SDHB: variants seen among roughly 807,000 people sequenced by gnomAD.
SDHB encodes the protein succinate dehydrogenase [ubiquinone] iron-sulfur subunit, mitochondrial.
SDHB carries 21 observed loss-of-function variants against 39.7 expected under a neutral mutation model. The observed-to-expected ratio is 0.53, with a 90% CI of 0.37 to 0.76. The LOEUF (loss-of-function observed/expected upper bound fraction) is 0.76, where lower values mean the gene tolerates loss of function less well. SDHB is among the 30% of genes least tolerant of loss of function. The pLI, the probability that SDHB is intolerant of heterozygous loss-of-function variation, is 0.00. For missense variants in SDHB, 343 were observed against 350.9 expected (o/e 0.98, Z 0.18); for synonymous variants, 118 against 117.0 (o/e 1.01, Z -0.06).
At chr1:17,022,772 G>A in intron 6 of SDHB, 42 bp from the exon 7 acceptor site, 1 of 1,598,302 alleles carries the variant, frequency 6.3e-7, no homozygotes, top group East Asian at 2.2e-5. Context: ...CAATCAACAG[G>A]CCAGAGCGGC....
At chr1:17,022,752 G>C (rs897839811) in intron 6 of SDHB, 22 bp from the exon 7 acceptor site, 1 of 1,610,216 alleles carries the variant, frequency 6.2e-7, no homozygotes, top group Non-Finnish European at 8.5e-7. Context: ...GGGATGATTA[G>C]CTGAGCTGCC....
chr1:17,021,730 C>G (rs539603054), intron 7 of SDHB, among the ~76,000 whole-genome samples: 1 of 151,552 alleles, frequency 6.6e-6, no homozygotes, highest in South Asian at 2.1e-4. Context: ...GCCTGGGCAA[C>G]AAGAGCGAAA....
Position 17,022,791 on chromosome 1 carries a change from T to C in SDHB, c.643-61A>G, listed in dbSNP as rs1570945030. 19 of 1,578,754 alleles carry C rather than the reference T, an allele frequency of 1.2e-5. No homozygotes were observed. The South Asian group carries it at 2.2e-4, about 18-fold the overall frequency. Reference sequence around the variant, plus strand: ...CAACAGGCCAGAGCGGCACCCTGGCTCAACTCAAAGCTCTGGGAGTGCAGA... The same window carrying C: ...CAACAGGCCAGAGCGGCACCCTGGCCCAACTCAAAGCTCTGGGAGTGCAGA... On this transcript the variant is annotated intron_variant, in intron 6 of 7. Coordinates refer to ENST00000375499, the MANE Select transcript of SDHB (RefSeq NM_003000.3).
In SDHB at chr1:17,045,574, G is replaced by A. The variant is rs551279888; in HGVS notation, c.73-686C>T. ...AGATCATGCCACTGCACTCTAGCCT[G>A]GGCAACAGAGTGAGACTCTTTTTCA... On this transcript the variant is annotated intron_variant, in intron 1 of 7. Coordinates refer to ENST00000375499, the MANE Select transcript of SDHB (RefSeq NM_003000.3). 2.5e-3 allele frequency among the ~76,000 whole-genome samples: 385 copies of A among 152,090 alleles called. 1 individual carries two copies. The highest frequency in any genetic ancestry group is 9.0e-3 in the African/African-American group (372 of 41,468).
intron 3 of SDHB, among the ~76,000 whole-genome samples, chr1:17,032,253 C>G (rs975705898): frequency 2.0e-5 from 3 of 150,318 alleles, no homozygotes; most frequent in Non-Finnish European, 3.0e-5. Context: ...GGCTGGAGTG[C>G]AGTGGCGTGA....
At chr1:17,025,993 A>G (rs1034698069) in intron 5 of SDHB, among the ~76,000 whole-genome samples, 5 of 152,192 alleles carry the variant, frequency 3.3e-5, no homozygotes, top group Non-Finnish European at 7.3e-5. Flanking sequence ...CAAAATCTGA[A>G]AACATATGAA....
chr1:17,052,834 G>A (rs191697531), intron 1 of SDHB, among the ~76,000 whole-genome samples: 1 of 152,206 alleles, frequency 6.6e-6, no homozygotes, highest in Admixed American at 6.5e-5. Flanking sequence ...AAGTGCAAGA[G>A]AGGAAGAGGA....
At chr1:17,033,484 G>GT (rs2078034080) in intron 2 of SDHB, among the ~76,000 whole-genome samples, 3 of 152,154 alleles carry the variant, frequency 2.0e-5, no homozygotes, top group Admixed American at 1.3e-4. Flanking sequence ...TCAAATTTTA[G>GT]TTTGATTTTT....
At chr1:17,023,063 T>C in intron 6 of SDHB, 1 of 362,146 alleles carries the variant, frequency 2.8e-6, no homozygotes, top group Non-Finnish European at 5.4e-6. Context: ...GACTGTATCA[T>C]ATAACTCTTA....
intron 2 of SDHB, among the ~76,000 whole-genome samples, chr1:17,038,653 G>A (rs1377932412): frequency 6.6e-6 from 1 of 152,166 alleles, no homozygotes; most frequent in Non-Finnish European, 1.5e-5. Context: ...TATGGGGAAA[G>A]TGTTCAATAT....
chr1:17,047,692 A>G (rs1320681640), intron 1 of SDHB, among the ~76,000 whole-genome samples: 1 of 151,684 alleles, frequency 6.6e-6, no homozygotes, highest in Non-Finnish European at 1.5e-5. Flanking sequence ...AAAAAAAAAA[A>G]AAAAAGAGAG....
At chr1:17,048,747 G>A (rs771823317) in intron 1 of SDHB, among the ~76,000 whole-genome samples, 1 of 151,902 alleles carries the variant, frequency 6.6e-6, no homozygotes, top group Non-Finnish European at 1.5e-5. Flanking sequence ...TCTCACTCTT[G>A]TCCCCCAGGC....
At chr1:17,053,841 C>T (rs546827276) in intron 1 of SDHB, 107 bp downstream of exon 1, 1 of 812,844 alleles carries the variant, frequency 1.2e-6, no homozygotes, top group East Asian at 2.6e-5. Flanking sequence ...TCCTCCATCT[C>T]CCTGAGGCCT....
chr1:17,030,788 T>C (rs2078018140), intron 3 of SDHB, among the ~76,000 whole-genome samples: 2 of 151,974 alleles, frequency 1.3e-5, no homozygotes, highest in Non-Finnish European at 2.9e-5. Flanking sequence ...TTCAAGTGAT[T>C]CTCCTGCCTC....
At chr1:17,045,798 T>G (rs1239213127) in intron 1 of SDHB, among the ~76,000 whole-genome samples, 1 of 152,168 alleles carries the variant, frequency 6.6e-6, no homozygotes, top group Non-Finnish European at 1.5e-5. Flanking sequence ...CTGATTCGTC[T>G]CGGGCCAAGT....
At chr1:17,028,522 G>A (rs2078003737) in intron 4 of SDHB, 78 bp downstream of exon 4, 8 of 1,510,958 alleles carry the variant, frequency 5.3e-6, no homozygotes, top group African/African-American at 1.4e-5. Context: ...ATCCTGCCCT[G>A]AAAAACTAAT....
At chr1:17,053,925 C>G (rs999856339) in intron 1 of SDHB, 23 bp downstream of exon 1, 1 of 1,597,894 alleles carries the variant, frequency 6.3e-7, no homozygotes, top group South Asian at 1.1e-5. Context: ...TGACTTTTCC[C>G]TCTCTGAGGC....
chr1:17,041,061 C>A (rs1423173124), intron 2 of SDHB, among the ~76,000 whole-genome samples: 1 of 152,014 alleles, frequency 6.6e-6, no homozygotes, highest in Non-Finnish European at 1.5e-5. Context: ...GCCTGGAAGG[C>A]AGAGGTTGCA....
chr1:17,020,635 G>A (rs1468871508), intron 7 of SDHB, among the ~76,000 whole-genome samples: 3 of 152,188 alleles, frequency 2.0e-5, no homozygotes, highest in Non-Finnish European at 4.4e-5. Context: ...TGCTATCTCT[G>A]TCTCAAACAA....
Sources: allele counts gnomAD v4.1 joint callset (sites outside exome capture counted in the v4.1 genomes callset), GRCh38; gene constraint gnomAD v4.1.1; transcripts MANE v1.5; gene names NCBI Gene and HGNC (gene_info 2026-07-23, HGNC 2026-07-21).